KHDRBS2: variants seen among roughly 807,000 people sequenced by gnomAD.
The protein encoded by KHDRBS2 is KH domain-containing, RNA-binding, signal transduction-associated protein 2.
A neutral mutation model predicts 44.3 loss-of-function variants in KHDRBS2; 26 were observed. The observed-to-expected ratio is 0.59, with a 90% CI of 0.43 to 0.81. KHDRBS2 has a LOEUF of 0.81. KHDRBS2 is among the 40% of genes least tolerant of loss of function. The pLI is 0.00. For synonymous variants in KHDRBS2, 194 were observed against 151.1 expected (o/e 1.28, Z -2.08); for missense variants, 476 against 433.1 (o/e 1.10, Z -0.88).
chr6:61,771,658 C>A (rs550905142), intron 6 of KHDRBS2, among the ~76,000 whole-genome samples: 4 of 152,182 alleles, frequency 2.6e-5, no homozygotes, highest in African/African-American at 2.4e-5. Flanking sequence ...ATATATGCAC[C>A]CAATACAGGA....
chr6:61,894,967 G>T lies in KHDRBS2; in HGVS notation c.612-134C>A, dbSNP rs1802676958. 3.1e-5 allele frequency: 19 copies of T among 618,594 alleles called. No homozygotes were observed. The South Asian group carries it at 3.6e-4, about 12-fold the overall frequency. The allele number at this position is 618,594 out of a possible 1,614,324, so 38.3% of individuals were successfully genotyped here. ...TTTCTCTCTCTCTCTCTGTGTGTGT[G>T]TGTGTGTATGCATTTAATAGAAATT... On this transcript the variant is annotated intron_variant, in intron 5 of 8. Coordinates refer to ENST00000281156, the MANE Select transcript of KHDRBS2 (RefSeq NM_152688.4).
chr6:61,723,570 C>A (rs527548889), intron 7 of KHDRBS2, among the ~76,000 whole-genome samples: 36 of 149,708 alleles, frequency 2.4e-4, no homozygotes, highest in East Asian at 5.9e-4. Flanking sequence ...AACAAACAAA[C>A]AAACAAAAAA....
intron 2 of KHDRBS2, among the ~76,000 whole-genome samples, chr6:62,103,594 G>C (rs552087612): frequency 2.2e-5 from 3 of 134,596 alleles, no homozygotes; most frequent in South Asian, 2.3e-4. Context: ...TCTGGGTCCA[G>C]AACCAGGCAG....
intron 1 of KHDRBS2, among the ~76,000 whole-genome samples, chr6:62,229,236 C>A (rs1358376715): frequency 3.9e-5 from 6 of 152,078 alleles, no homozygotes. Context: ...GGAGGCCCTG[C>A]CCAGTGAGGA....
Position 62,217,580 on chromosome 6 carries a change from TTAGG to T in KHDRBS2, c.92-40272_92-40269del, listed in dbSNP as rs576926311. ...AGAAGCAGCAGAGATTGAAAAATAATTAGGTAGAGTACTTGGAGATAGGCTTACA... is the reference window on the plus strand; with the variant it reads ...AGAAGCAGCAGAGATTGAAAAATAATTAGAGTACTTGGAGATAGGCTTACA... On this transcript the variant is annotated intron_variant, in intron 1 of 8. Coordinates refer to ENST00000281156, the MANE Select transcript of KHDRBS2 (RefSeq NM_152688.4). 7.2e-5 allele frequency among the ~76,000 whole-genome samples: 11 copies of T among 151,846 alleles called. No homozygotes were observed. In the East Asian group the frequency reaches 1.5e-3, roughly 21 times the overall value.
intron 3 of KHDRBS2, among the ~76,000 whole-genome samples, chr6:62,009,648 G>T (rs1779921744): frequency 6.6e-6 from 1 of 152,144 alleles, no homozygotes; most frequent in South Asian, 2.1e-4. Context: ...CAAGCTGTGT[G>T]CAGTCAAGAG....
intron 4 of KHDRBS2, among the ~76,000 whole-genome samples, chr6:61,953,223 A>T (rs1399164046): frequency 6.6e-6 from 1 of 152,070 alleles, no homozygotes; most frequent in African/African-American, 2.4e-5. Context: ...AGAAGCAATT[A>T]TCATTTCTGT....
At chr6:61,597,436 G>A in the KHDRBS2 span, among the ~76,000 whole-genome samples, 2 of 151,898 alleles carry the variant, frequency 1.3e-5, no homozygotes, top group Non-Finnish European at 2.9e-5. Flanking sequence ...CCAAGAAATG[G>A]CCAGTGGCAC....
chr6:61,733,270 G>C (rs552056716), intron 6 of KHDRBS2, among the ~76,000 whole-genome samples: 32 of 152,114 alleles, frequency 2.1e-4, no homozygotes, highest in African/African-American at 7.2e-4. Context: ...AAAAAAGAGG[G>C]AACTAAAAAG....
chr6:61,898,820 T>C lies in KHDRBS2; in HGVS notation c.611+2424A>G, dbSNP rs371039673. Among the ~76,000 whole-genome samples, 36 of 152,014 alleles carry C rather than the reference T, an allele frequency of 2.4e-4. No homozygotes were observed. The East Asian group carries it at 2.5e-3, about 11-fold the overall frequency. ...ACCAACTATCATACTTACTTAATAC[T>C]TTTAAGGGAGGTATTTAGGAGCAAT... On this transcript the variant is annotated intron_variant, in intron 5 of 8. Transcript: ENST00000281156.
intron 2 of KHDRBS2, among the ~76,000 whole-genome samples, chr6:62,107,892 T>C (rs1379490847): frequency 6.6e-6 from 1 of 152,192 alleles, no homozygotes; most frequent in Non-Finnish European, 1.5e-5. Context: ...GTTAGCCATA[T>C]GTAGAAAGCT....
At chr6:61,916,165 A>T (rs1268583413) in intron 4 of KHDRBS2, among the ~76,000 whole-genome samples, 1 of 152,052 alleles carries the variant, frequency 6.6e-6, no homozygotes, top group Non-Finnish European at 1.5e-5. Context: ...AGAGATTTTC[A>T]TATGGCCTTG....
intron 4 of KHDRBS2, among the ~76,000 whole-genome samples, chr6:61,909,434 G>A (rs556565127): frequency 3.9e-5 from 6 of 152,038 alleles, no homozygotes; most frequent in South Asian, 4.2e-4. Flanking sequence ...CAAATAATTC[G>A]CTTTTTTGCT....
At chr6:61,853,211 A>G (rs1195471871) in intron 6 of KHDRBS2, among the ~76,000 whole-genome samples, 2 of 152,186 alleles carry the variant, frequency 1.3e-5, no homozygotes, top group Non-Finnish European at 2.9e-5. Context: ...TATGTGTTTC[A>G]GTGAGTTTTT....
intron 6 of KHDRBS2, among the ~76,000 whole-genome samples, chr6:61,758,378 A>T (rs1388982224): frequency 1.3e-5 from 2 of 151,904 alleles, no homozygotes; most frequent in Non-Finnish European, 2.9e-5. Flanking sequence ...TTCTGCTTGT[A>T]AGTATAGCTT....
chr6:61,669,669 G>T, the KHDRBS2 span, among the ~76,000 whole-genome samples: 7 of 150,940 alleles, frequency 4.6e-5, no homozygotes, highest in South Asian at 2.1e-4. Context: ...TACTAAACTT[G>T]GGAGAATATA....
chr6:61,564,942 A>G, the KHDRBS2 span, among the ~76,000 whole-genome samples: 32 of 152,150 alleles, frequency 2.1e-4, no homozygotes, highest in Non-Finnish European at 3.7e-4. Context: ...ATTAAAATAG[A>G]CATACAGACC....
In KHDRBS2 at chr6:62,122,407, T is replaced by C. The variant is rs111973872; in HGVS notation, c.219+54778A>G. On this transcript the variant is annotated intron_variant, in intron 2 of 8. Coordinates refer to ENST00000281156, the MANE Select transcript of KHDRBS2 (RefSeq NM_152688.4). ...GTGACTTGAACTGCCTATCATGAACTGGGTGCTTTCTGACCTATCTAACCA... is the reference window on the plus strand; with the variant it reads ...GTGACTTGAACTGCCTATCATGAACCGGGTGCTTTCTGACCTATCTAACCA... 8.1e-3 allele frequency among the ~76,000 whole-genome samples: 1,233 copies of C among 152,270 alleles called. 16 individuals carry two copies. Among genetic ancestry groups the C allele is most frequent in the African/African-American group, 0.029 (1,194 of 41,562 alleles).
chr6:61,682,346 T>C (rs2127538274), intron 8 of KHDRBS2, among the ~76,000 whole-genome samples: 1 of 152,012 alleles, frequency 6.6e-6, no homozygotes, highest in African/African-American at 2.4e-5. Flanking sequence ...AACTGATACC[T>C]GATAATAAAT....
Sources: allele counts gnomAD v4.1 joint callset (sites outside exome capture counted in the v4.1 genomes callset), GRCh38; gene constraint gnomAD v4.1.1; transcripts MANE v1.5; gene names NCBI Gene and HGNC (gene_info 2026-07-23, HGNC 2026-07-21).